The following PATL1 variants were observed in gnomAD, a reference collection of about 807,000 sequenced individuals.
PATL1 encodes the protein protein PAT1 homolog 1.
PATL1 carries 32 observed loss-of-function variants against 100.6 expected under a neutral mutation model. The observed-to-expected ratio is 0.32, with a 90% CI of 0.24 to 0.43. The LOEUF is 0.43. Among genes scored for constraint, PATL1 ranks in the 20% least tolerant of loss-of-function variants. The pLI is 1.00. For synonymous variants in PATL1, 332 were observed against 330.0 expected (o/e 1.01, Z -0.07); for missense variants, 747 against 949.9 (o/e 0.79, Z 2.81).
rs1590703006 is a variant in PATL1 at position 59,658,887 on chromosome 11, G to C, written c.405C>G (p.Ile135Met). ...IWDGSEVLRRIRGPLLAQEMP... is the reference protein window; with the variant it reads ...IWDGSEVLRRMRGPLLAQEMP... ...ATACCTGAGCAAGCAGTGGTCCTCG[G>C]ATTCGCCTCAGAACTTCAGATCCAT... is the stretch of plus-strand genomic sequence containing the variant. Residue 135 changes from isoleucine (I) to methionine (M), a missense_variant, in exon 4 of 19, where the codon ATC (isoleucine) becomes ATG (methionine). Coordinates refer to ENST00000300146, the MANE Select transcript of PATL1 (RefSeq NM_152716.3). The C allele has an allele frequency of 1.9e-6, 3 of 1,549,328 alleles. No individual in the cohort carries two copies. The highest frequency in any genetic ancestry group is 8.7e-7 in the Non-Finnish European group (1 of 1,146,524).
At chr11:59,666,708 G>T in intron 2 of PATL1, 145 bp downstream of exon 2, 1 of 838,638 alleles carries the variant, frequency 1.2e-6, no homozygotes, top group African/African-American at 1.8e-5. Flanking sequence ...AGTGAAGAAT[G>T]AACTATTCTA....
intron 2 of PATL1, among the ~76,000 whole-genome samples, chr11:59,662,077 T>A (rs1861633430): frequency 6.6e-6 from 1 of 152,218 alleles, no homozygotes; most frequent in Non-Finnish European, 1.5e-5. Flanking sequence ...TAATTTTTAA[T>A]CATACAACGA....
intron 6 of PATL1, 142 bp from the exon 7 acceptor site, chr11:59,656,187 AG>A (rs1187269389): frequency 1.7e-6 from 1 of 577,478 alleles, no homozygotes; most frequent in African/African-American, 1.9e-5. Context: ...ATAGAAAAAA[AG>A]AGTAATGCTA....
intron 15 of PATL1, 75 bp from the exon 16 acceptor site, chr11:59,643,110 A>G: frequency 1.4e-6 from 2 of 1,474,074 alleles, no homozygotes; most frequent in South Asian, 2.6e-5. Flanking sequence ...GCATGGATGG[A>G]AGGATGTTCA....
chr11:59,639,571 T>G lies in PATL1; in HGVS notation c.2050-188A>C, dbSNP rs546586382. On this transcript the variant is annotated intron_variant, in intron 16 of 18. Coordinates refer to ENST00000300146, the MANE Select transcript of PATL1 (RefSeq NM_152716.3). ...GAAAGGCTATGTCTCTCTCCAGGCT[T>G]TATTCTGCCATAGCAGTGACCAGGC... 4.1e-5 allele frequency: 23 copies of G among 561,022 alleles called. No individual in the cohort carries two copies. The African/African-American group carries it at 4.3e-4, about 11-fold the overall frequency. The allele number at this position is 561,022 out of a possible 1,614,324, so 34.8% of individuals were successfully genotyped here.
Position 59,639,357 on chromosome 11 carries a change from G to A in PATL1, c.2076C>T (p.Leu692=). Residue 692 remains leucine (L), a synonymous_variant, in exon 17 of 19, where the codon CTC becomes CTT. Transcript: ENST00000300146. Reference sequence around the variant, plus strand: ...TCTGTAGGTCTTCACCACGGCTCAGGAGGATGAGGAGCAGTGACAGGCCAA... The same window carrying A: ...TCTGTAGGTCTTCACCACGGCTCAGAAGGATGAGGAGCAGTGACAGGCCAA... ...NKFGLSLLLI[L]LSRGEDLQSS... is the part of the protein sequence containing the mutation. The A allele has an allele frequency of 6.5e-7, 1 of 1,550,230 alleles. No individual in the cohort carries two copies. The highest frequency in any genetic ancestry group is 8.7e-7 in the Non-Finnish European group (1 of 1,147,010).
At chr11:59,656,720 A>C (rs1861541263) in intron 5 of PATL1, 120 bp from the exon 6 acceptor site, 2 of 810,854 alleles carry the variant, frequency 2.5e-6, no homozygotes, top group South Asian at 3.5e-5. Context: ...ACTTCTAAGC[A>C]AATTGCTATG....
chr11:59,647,156 G>A (rs1235759362), intron 15 of PATL1, among the ~76,000 whole-genome samples: 3 of 149,024 alleles, frequency 2.0e-5, no homozygotes, highest in Admixed American at 2.0e-4. Context: ...CTGGGATGTG[G>A]AGGCTGCAGT....
chr11:59,665,302 T>A (rs1211327634), intron 2 of PATL1, among the ~76,000 whole-genome samples: 1 of 152,238 alleles, frequency 6.6e-6, no homozygotes, highest in Admixed American at 6.5e-5. Context: ...ATATTCAACA[T>A]CTTGGGATTA....
intron 16 of PATL1, among the ~76,000 whole-genome samples, chr11:59,641,728 G>A (rs2134736893): frequency 6.6e-6 from 1 of 152,202 alleles, no homozygotes; most frequent in East Asian, 1.9e-4. Flanking sequence ...ACTCTGGCCT[G>A]GGTGACAGAG....
chr11:59,649,724 T>G, intron 13 of PATL1, 114 bp from the exon 14 acceptor site: 8 of 1,138,672 alleles, frequency 7.0e-6, no homozygotes, highest in Non-Finnish European at 8.2e-6. Context: ...ATAGAAAGAC[T>G]GAGATTTTTT....
At chr11:59,654,163 G>T in intron 8 of PATL1, 91 bp from the exon 9 acceptor site, 1 of 1,136,598 alleles carries the variant, frequency 8.8e-7, no homozygotes, top group Non-Finnish European at 1.3e-6. Context: ...ACTTCATACA[G>T]GTTAACTTAA....
In PATL1 at chr11:59,650,719, T is replaced by C. The variant is rs1282440176; in HGVS notation, c.1584+35A>G. The C allele has an allele frequency of 2.7e-6, 4 of 1,454,986 alleles. No individual in the cohort carries two copies. The African/African-American group carries it at 4.2e-5, about 15-fold the overall frequency. 90.1% of individuals were successfully genotyped at this position (1,454,986 alleles called of 1,614,324 possible). A position where few individuals can be genotyped will look rare whatever the true frequency, so the allele number is the denominator to read the frequency against. ...ATACATACATTTGACAGTTCCGTAT[T>C]TGAAACTAACTACAGCAACAAATTC... is the stretch of plus-strand genomic sequence containing the variant. On this transcript the variant is annotated intron_variant, in intron 13 of 18. Transcript: ENST00000300146.
chr11:59,649,451 A>G lies in PATL1; in HGVS notation c.1733+11T>C. 6.2e-7 allele frequency: 1 copy of G among 1,612,462 alleles called. No individual in the cohort carries two copies. Among genetic ancestry groups the G allele is most frequent in the South Asian group, 1.1e-5 (1 of 90,848 alleles). ...CCAGTTAATGTTTTCCTCAAACTGCACGATGCTTACCTCTCTTGTCCAGGC... is the reference window on the plus strand; with the variant it reads ...CCAGTTAATGTTTTCCTCAAACTGCGCGATGCTTACCTCTCTTGTCCAGGC... On this transcript the variant is annotated intron_variant, in intron 14 of 18. Transcript: ENST00000300146.
Position 59,638,033 on chromosome 11 carries a change from T to A in PATL1, c.*357A>T. 1 of 273,890 alleles carries A rather than the reference T, an allele frequency of 3.7e-6. No individual in the cohort carries two copies. The highest frequency in any genetic ancestry group is 7.1e-6 in the Non-Finnish European group (1 of 141,774). The allele number at this position is 273,890 out of a possible 1,614,324, so 17.0% of individuals were successfully genotyped here. On this transcript the variant is annotated 3_prime_UTR_variant, in exon 19 of 19. Coordinates refer to ENST00000300146, the MANE Select transcript of PATL1 (RefSeq NM_152716.3). Reference sequence around the variant, plus strand: ...AACTTCAATAGGATGAGGGAAGGAATCCTTTGGCAGGCTACAATCTACTCT... The same window carrying A: ...AACTTCAATAGGATGAGGGAAGGAAACCTTTGGCAGGCTACAATCTACTCT...
intron 8 of PATL1, among the ~76,000 whole-genome samples, chr11:59,655,309 T>G (rs1017352124): frequency 6.6e-6 from 1 of 152,240 alleles, no homozygotes; most frequent in African/African-American, 2.4e-5. Context: ...TTTCGGCATC[T>G]GTCACTGTAT....
chr11:59,660,044 T>C (rs867828912), intron 2 of PATL1, among the ~76,000 whole-genome samples: 2 of 152,216 alleles, frequency 1.3e-5, no homozygotes, highest in Non-Finnish European at 2.9e-5. Context: ...GTCCAAACTA[T>C]ATTCTGAAAC....
chr11:59,649,358 A>C, intron 14 of PATL1, 104 bp downstream of exon 14: 17 of 1,137,858 alleles, frequency 1.5e-5, no homozygotes, highest in Non-Finnish European at 1.9e-5. Context: ...CTGAGCTTAC[A>C]GAGATGGTAG....
At chr11:59,660,367 TA>T (rs1861610891) in intron 2 of PATL1, among the ~76,000 whole-genome samples, 1 of 152,108 alleles carries the variant, frequency 6.6e-6, no homozygotes, top group Admixed American at 6.5e-5. Flanking sequence ...TGATAGACAA[TA>T]AGCATAATGA....
Sources: gnomAD v4.1 joint callset for allele counts (sites outside exome capture counted in the v4.1 genomes callset) on GRCh38, gnomAD v4.1.1 for gene constraint, MANE v1.5 for transcripts, NCBI Gene and HGNC (gene_info 2026-07-23, HGNC 2026-07-21) for gene names.